Variants in ATRNL1 observed in about 807,000 individuals in gnomAD.
The protein encoded by ATRNL1 is attractin like 1, also known as attractin-like protein 1.
ATRNL1 carries 95 observed loss-of-function variants against 182.7 expected under a neutral mutation model. That is an observed-to-expected ratio of 0.52 (90% CI 0.44 to 0.62). ATRNL1 has a LOEUF of 0.62. Among genes scored for constraint, ATRNL1 ranks in the 20% least tolerant of loss-of-function variants. ATRNL1 has a pLI of 0.00. For missense variants in ATRNL1, 1,471 were observed against 1,679.5 expected (o/e 0.88, Z 2.17); for synonymous variants, 576 against 568.3 (o/e 1.01, Z -0.19).
In ATRNL1 at chr10:115,094,138, T is replaced by A. The variant is rs553316204; in HGVS notation, c.293+95T>A. On this transcript the variant is annotated intron_variant, in intron 1 of 28. Transcript: ENST00000355044. ...TCGCGGCCTCCCCCGCCCCCGTCGC[T>A]GCCTCTGATCCCCCGGCCGTGAGTG... 1.6e-4 allele frequency: 193 copies of A among 1,192,088 alleles called. No individual in the cohort carries two copies. In the African/African-American group the frequency reaches 2.7e-3, roughly 16 times the overall value. The allele number at this position is 1,192,088 out of a possible 1,614,324, so 73.8% of individuals were successfully genotyped here.
intron 27 of ATRNL1, among the ~76,000 whole-genome samples, chr10:115,780,254 G>A (rs1555078998): frequency 6.6e-6 from 1 of 152,174 alleles, no homozygotes; most frequent in African/African-American, 2.4e-5. Flanking sequence ...CGCACAGAGG[G>A]AGCATTTAGA....
intron 26 of ATRNL1, among the ~76,000 whole-genome samples, chr10:115,677,552 G>T (rs1053553830): frequency 1.3e-5 from 2 of 152,044 alleles, no homozygotes; most frequent in East Asian, 3.9e-4. Context: ...CACGAGATCT[G>T]ATGGGTTTAT....
chr10:115,272,981 A>ATG (rs1554913727), intron 13 of ATRNL1, among the ~76,000 whole-genome samples: 1 of 152,190 alleles, frequency 6.6e-6, no homozygotes. Flanking sequence ...AGGAAGGCAA[A>ATG]TCTATAGCCA....
chr10:115,843,962 A>C (rs1325970571), intron 27 of ATRNL1, among the ~76,000 whole-genome samples: 1 of 152,106 alleles, frequency 6.6e-6, no homozygotes, highest in African/African-American at 2.4e-5. Flanking sequence ...TTGAACTCTT[A>C]GACCTTCAGT....
At chr10:115,500,432 A>G (rs942078486) in intron 24 of ATRNL1, among the ~76,000 whole-genome samples, 1 of 151,160 alleles carries the variant, frequency 6.6e-6, no homozygotes, top group Non-Finnish European at 1.5e-5. Context: ...CAGGTGTCCT[A>G]TAGTTTTTGA....
chr10:115,265,172 T>C, intron 10 of ATRNL1, 21 bp from the exon 11 acceptor site: 1 of 1,501,978 alleles, frequency 6.7e-7, no homozygotes, highest in Non-Finnish European at 9.2e-7. Context: ...ATTTTTTGTT[T>C]TTCTGTTTTC....
At chr10:115,720,593 T>C (rs990571595) in intron 26 of ATRNL1, among the ~76,000 whole-genome samples, 3 of 152,180 alleles carry the variant, frequency 2.0e-5, no homozygotes. Context: ...TGATTTTACA[T>C]TGAAGTTATG....
chr10:115,266,800 C>T lies in ATRNL1; in HGVS notation c.1776C>T (p.Ser592=). Residue 592 remains serine (S), a synonymous_variant, in exon 12 of 29, where the codon TCC becomes TCT. Transcript: ENST00000355044. ...FGHSAVVING[S]MYIFGGFSSV... is the part of the protein sequence containing the mutation. ...ATTCTTGTTTTGTTTTTAATAGGTC[C>T]ATGTATATATTTGGGGGATTTTCTA... is the stretch of plus-strand genomic sequence containing the variant. The T allele has an allele frequency of 6.3e-7, 1 of 1,588,684 alleles. No individual in the cohort carries two copies. Among genetic ancestry groups the T allele is most frequent in the Non-Finnish European group, 8.6e-7 (1 of 1,161,642 alleles).
chr10:115,932,010 T>G (rs1953411477), intron 28 of ATRNL1, among the ~76,000 whole-genome samples: 1 of 152,210 alleles, frequency 6.6e-6, no homozygotes, highest in African/African-American at 2.4e-5. Context: ...CTGATTTACC[T>G]GCCTGTGGAG....
chr10:115,281,752 G>T (rs565382017), intron 14 of ATRNL1, among the ~76,000 whole-genome samples: 132 of 151,630 alleles, frequency 8.7e-4, no homozygotes, highest in Non-Finnish European at 2.1e-4. Context: ...TCTTAAAAAT[G>T]TAGAAAATAA....
At chr10:115,693,320 G>T (rs1053201994) in intron 26 of ATRNL1, among the ~76,000 whole-genome samples, 1 of 152,102 alleles carries the variant, frequency 6.6e-6, no homozygotes, top group Non-Finnish European at 1.5e-5. Flanking sequence ...AAGATTCTAA[G>T]TGCATCACTA....
chr10:115,760,939 G>T (rs1948718773), intron 27 of ATRNL1, among the ~76,000 whole-genome samples: 1 of 152,164 alleles, frequency 6.6e-6, no homozygotes, highest in Admixed American at 6.5e-5. Flanking sequence ...TTTAGGATAG[G>T]CGCAGTCAAT....
chr10:115,188,395 C>T (rs11197110), intron 8 of ATRNL1, among the ~76,000 whole-genome samples: 32,579 of 151,980 alleles, frequency 0.21, 4,464 homozygotes, highest in Non-Finnish European at 0.3. Context: ...AGGGAATCTA[C>T]AAATCTCAGA....
intron 21 of ATRNL1, among the ~76,000 whole-genome samples, chr10:115,434,954 A>G (rs1798799721): frequency 6.6e-6 from 1 of 151,534 alleles, no homozygotes; most frequent in African/African-American, 2.4e-5. Context: ...ATATGGTACT[A>G]TGGTTTGAAT....
At chr10:115,607,839 C>A (rs1401290438) in intron 26 of ATRNL1, among the ~76,000 whole-genome samples, 1 of 151,874 alleles carries the variant, frequency 6.6e-6, no homozygotes, top group Non-Finnish European at 1.5e-5. Flanking sequence ...TGTCATTATT[C>A]ACAAAACTTC....
At chr10:115,596,480 C>T (rs1555014006) in intron 26 of ATRNL1, among the ~76,000 whole-genome samples, 1 of 152,178 alleles carries the variant, frequency 6.6e-6, no homozygotes, top group Admixed American at 6.5e-5. Flanking sequence ...CAATTTTCAA[C>T]TTATGGTAAA....
chr10:115,719,894 T>C (rs1555057342), intron 26 of ATRNL1, among the ~76,000 whole-genome samples: 2 of 147,054 alleles, frequency 1.4e-5, no homozygotes, highest in Non-Finnish European at 3.0e-5. Context: ...GGAGTCTTGC[T>C]TTTTTGCCCC....
intron 26 of ATRNL1, among the ~76,000 whole-genome samples, chr10:115,566,504 T>C (rs1367515506): frequency 6.6e-6 from 1 of 152,178 alleles, no homozygotes; most frequent in Non-Finnish European, 1.5e-5. Context: ...AATTGTTTTC[T>C]ATGTAGAATG....
intron 25 of ATRNL1, among the ~76,000 whole-genome samples, chr10:115,525,817 GT>G (rs1554986423): frequency 6.6e-6 from 1 of 152,004 alleles, no homozygotes; most frequent in African/African-American, 2.4e-5. Context: ...AAACCAATGA[GT>G]TTTTATTTAT....
Sources: allele counts gnomAD v4.1 joint callset (sites outside exome capture counted in the v4.1 genomes callset), GRCh38; gene constraint gnomAD v4.1.1; transcripts MANE v1.5; gene names NCBI Gene and HGNC (gene_info 2026-07-23, HGNC 2026-07-21).